The following ZCCHC4 variants were observed in gnomAD, a reference collection of about 807,000 sequenced individuals.
ZCCHC4 encodes the protein rRNA N(6)-adenosine-methyltransferase ZCCHC4.
ZCCHC4 carries 54 observed loss-of-function variants against 67.7 expected under a neutral mutation model. The observed-to-expected ratio is 0.80, with a 90% CI of 0.64 to 1.00. The LOEUF (loss-of-function observed/expected upper bound fraction) is 1.00. ZCCHC4 is among the 50% of genes least tolerant of loss of function. ZCCHC4 has a pLI of 0.00. For missense variants in ZCCHC4, 609 were observed against 617.0 expected, an observed-to-expected ratio of 0.99 and a Z score of 0.14; for synonymous variants, 198 against 213.5, an observed-to-expected ratio of 0.93 and a Z score of 0.63.
intron 6 of ZCCHC4, among the ~76,000 whole-genome samples, chr4:25,349,256 A>G (rs1297777976): frequency 1.3e-5 from 2 of 152,208 alleles, no homozygotes; most frequent in Non-Finnish European, 2.9e-5. Context: ...GTCTTCTGAT[A>G]GTGATGGTGT....
At chr4:25,344,356 G>A (rs372805778) in intron 5 of ZCCHC4, among the ~76,000 whole-genome samples, 50 of 150,110 alleles carry the variant, frequency 3.3e-4, no homozygotes, top group African/African-American at 1.1e-3. Flanking sequence ...GTAAACTATC[G>A]CAAGGACAAA....
At chr4:25,328,259 A>T (rs1718993786) in intron 3 of ZCCHC4, among the ~76,000 whole-genome samples, 2 of 151,712 alleles carry the variant, frequency 1.3e-5, no homozygotes, top group South Asian at 4.1e-4. Flanking sequence ...TTTTTTTCCA[A>T]GACGGAGTCT....
rs998751601 is a variant in ZCCHC4 at position 25,345,758 on chromosome 4, C to G, written c.759+138C>G. ...CCATTTACTGATATTTATTTTTGTTCTTTCACTGTTTATTGAGCACCTAGA... is the reference window on the plus strand; with the variant it reads ...CCATTTACTGATATTTATTTTTGTTGTTTCACTGTTTATTGAGCACCTAGA... On this transcript the variant is annotated intron_variant, in intron 6 of 12. Coordinates refer to ENST00000302874, the MANE Select transcript of ZCCHC4 (RefSeq NM_024936.3). 32 of 627,202 alleles carry G rather than the reference C, an allele frequency of 5.1e-5. 1 individual carries two copies. Among genetic ancestry groups the G allele is most frequent in the Middle Eastern group, 5.2e-4 (2 of 3,874 alleles). The allele number at this position is 627,202 out of a possible 1,614,324, so 38.9% of individuals were successfully genotyped here.
chr4:25,359,771 G>A lies in ZCCHC4; in HGVS notation c.1012-2088G>A, dbSNP rs1007354418. Among the ~76,000 whole-genome samples, 2 of 152,220 alleles carry A rather than the reference G, an allele frequency of 1.3e-5. No homozygotes were observed. The highest frequency in any genetic ancestry group is 4.8e-5 in the African/African-American group (2 of 41,460). ...GGAGAAGAATGTTTCTGCGCGACCTGGTCCCACCCTGGCACTCCAGCCTAA... is the reference window on the plus strand; with the variant it reads ...GGAGAAGAATGTTTCTGCGCGACCTAGTCCCACCCTGGCACTCCAGCCTAA... On this transcript the variant is annotated intron_variant, in intron 8 of 12. Coordinates refer to ENST00000302874, the MANE Select transcript of ZCCHC4 (RefSeq NM_024936.3). This position sits in a 1 kb window ranked among gnomAD's most constrained non-coding sequence, Gnocchi z 4.9.
At chr4:25,366,427 T>C (rs1720955761) in intron 12 of ZCCHC4, 1 of 311,026 alleles carries the variant, frequency 3.2e-6, no homozygotes, top group African/African-American at 2.3e-5. Flanking sequence ...GCCATTCTCC[T>C]GCCTCAGCCT....
chr4:25,354,440 T>G (rs1337999447), intron 8 of ZCCHC4, among the ~76,000 whole-genome samples: 1 of 152,186 alleles, frequency 6.6e-6, no homozygotes, highest in Non-Finnish European at 1.5e-5. Flanking sequence ...GAACAAAGTC[T>G]AAAAGCAAAT....
At chr4:25,313,068 T>G in intron 1 of ZCCHC4, 132 bp downstream of exon 1, 1 of 1,304,406 alleles carries the variant, frequency 7.7e-7, no homozygotes, top group South Asian at 1.4e-5. Context: ...AAAATACTCC[T>G]TCCTCGGAAC....
At chr4:25,336,738 C>T (rs1185125600) in intron 5 of ZCCHC4, among the ~76,000 whole-genome samples, 1 of 152,168 alleles carries the variant, frequency 6.6e-6, no homozygotes, top group Non-Finnish European at 1.5e-5. Flanking sequence ...CTACTTCCCT[C>T]GGCCTCCCAA....
intron 5 of ZCCHC4, among the ~76,000 whole-genome samples, chr4:25,339,807 A>G (rs1235606831): frequency 6.6e-6 from 1 of 151,390 alleles, no homozygotes; most frequent in Non-Finnish European, 1.5e-5. Context: ...GAGTGTCTAT[A>G]CCCATGTTTT....
At chr4:25,344,854 G>A (rs1719929019) in intron 5 of ZCCHC4, among the ~76,000 whole-genome samples, 2 of 150,660 alleles carry the variant, frequency 1.3e-5, no homozygotes, top group African/African-American at 4.9e-5. Context: ...CCCGGCTGGA[G>A]TATAGTGGTG....
At chr4:25,358,497 G>C (rs1720599814) in intron 8 of ZCCHC4, among the ~76,000 whole-genome samples, 1 of 152,196 alleles carries the variant, frequency 6.6e-6, no homozygotes. Flanking sequence ...TAAAAGATTA[G>C]AGTTGTTCCC....
intron 5 of ZCCHC4, among the ~76,000 whole-genome samples, chr4:25,344,797 T>C (rs1238630744): frequency 6.6e-6 from 1 of 150,740 alleles, no homozygotes; most frequent in Non-Finnish European, 1.5e-5. Flanking sequence ...AAAAAAAAAA[T>C]TTGTATTACT....
At chr4:25,341,043 G>T (rs1719735168) in intron 5 of ZCCHC4, among the ~76,000 whole-genome samples, 2 of 151,810 alleles carry the variant, frequency 1.3e-5, no homozygotes, top group Non-Finnish European at 2.9e-5. Flanking sequence ...GGACTTGCTG[G>T]CTGGCCAGGT....
intron 5 of ZCCHC4, among the ~76,000 whole-genome samples, chr4:25,336,861 T>C (rs1359805128): frequency 1.3e-5 from 2 of 152,206 alleles, no homozygotes; most frequent in African/African-American, 2.4e-5. Context: ...CCCTGTAAGA[T>C]AGATGCTATC....
At chr4:25,317,707 A>G (rs1718334553) in intron 3 of ZCCHC4, among the ~76,000 whole-genome samples, 1 of 131,660 alleles carries the variant, frequency 7.6e-6, no homozygotes, top group African/African-American at 2.7e-5. Flanking sequence ...GCTGTCACAA[A>G]AAAAAAAAAA....
At chr4:25,364,609 T>G in intron 11 of ZCCHC4, 104 bp downstream of exon 11, 1 of 982,820 alleles carries the variant, frequency 1.0e-6, no homozygotes. Flanking sequence ...AAATAATCAG[T>G]GTAGAGACTT....
chr4:25,333,367 C>T lies in ZCCHC4; in HGVS notation c.514C>T (p.Gln172Ter). The T allele has an allele frequency of 6.2e-7, 1 of 1,614,138 alleles. No homozygotes were observed. Among genetic ancestry groups the T allele is most frequent in the South Asian group, 1.1e-5 (1 of 91,080 alleles). ...YPLENKKTNA[Q>*]YLFADRSCQF... ...ACTGGAAAACAAGAAGACAAATGCC[C>T]AGTATCTGTTTGCTGATCGGAGCTG... The change falls in exon 4 of 13, where the codon CAG becomes TAG. Residue 172 changes from glutamine to a stop codon, truncating the protein, a stop_gained. Coordinates refer to ENST00000302874, the MANE Select transcript of ZCCHC4 (RefSeq NM_024936.3). LOFTEE classifies it high-confidence loss of function.
chr4:25,320,265 T>C (rs1280086333), intron 3 of ZCCHC4, among the ~76,000 whole-genome samples: 1 of 152,214 alleles, frequency 6.6e-6, no homozygotes, highest in African/African-American at 2.4e-5. Flanking sequence ...GCACCCTTAT[T>C]GTGACCTATG....
intron 1 of ZCCHC4, 86 bp from the exon 2 acceptor site, chr4:25,313,960 T>C (rs966162827): frequency 6.3e-6 from 5 of 792,906 alleles, no homozygotes; most frequent in Non-Finnish European, 1.0e-5. Context: ...TCAAACAAAT[T>C]TTATTTAAGG....
Sources: gnomAD v4.1 joint callset for allele counts (sites outside exome capture counted in the v4.1 genomes callset) on GRCh38, gnomAD v4.1.1 for gene constraint, Gnocchi (gnomAD v3.1) non-coding constraint, MANE v1.5 for transcripts, NCBI Gene and HGNC (gene_info 2026-07-23, HGNC 2026-07-21) for gene names.